TMPRSS15: variants seen among roughly 807,000 people sequenced by gnomAD.
TMPRSS15 encodes enteropeptidase.
In TMPRSS15, 128 loss-of-function variants were observed where a neutral mutation model predicts 125.3. The observed-to-expected ratio is 1.02, with a 90% CI of 0.89 to 1.18. The LOEUF is 1.18. Among genes scored for constraint, TMPRSS15 ranks in the 50% most tolerant of loss-of-function variants. The pLI, the probability that TMPRSS15 is intolerant of heterozygous loss-of-function variation, is 0.00. For missense variants in TMPRSS15, 1,283 were observed against 1,212.7 expected, an observed-to-expected ratio of 1.06 and a Z score of -0.86; for synonymous variants, 446 against 423.2, an observed-to-expected ratio of 1.05 and a Z score of -0.66.
chr21:18,398,621 T>C (rs1017341325), intron 1 of TMPRSS15, among the ~76,000 whole-genome samples: 6 of 152,288 alleles, frequency 3.9e-5, no homozygotes, highest in African/African-American at 1.4e-4. Context: ...ATTATTGTTA[T>C]TGAGATTCCT....
At chr21:18,365,663 C>CTTCCTTCCTTCCTTCCTTCG (rs1569035764) in intron 6 of TMPRSS15, among the ~76,000 whole-genome samples, 2 of 118,716 alleles carry the variant, frequency 1.7e-5, no homozygotes, top group Non-Finnish European at 3.4e-5. Context: ...TCCTTCCTTC[C>CTTCCTTCCTTCCTTCCTTCG]TTCCTTCCTT....
At chr21:18,360,438 A>G (rs1327866786) in intron 7 of TMPRSS15, among the ~76,000 whole-genome samples, 2 of 152,152 alleles carry the variant, frequency 1.3e-5, no homozygotes, top group Admixed American at 6.6e-5. Flanking sequence ...AGAATTGGGA[A>G]TGCTGGATCA....
chr21:18,448,314 A>G lies in TMPRSS15; in HGVS notation c.10+37485T>C, dbSNP rs143052582. On this transcript the variant is annotated intron_variant, in intron 1 of 7. Coordinates refer to the TMPRSS15 transcript ENST00000422787. ...ATGTTACAAATCAATACAATTTACT[A>G]AAGAAGAGTCACTAAGAATGCAGAC... 1.7e-3 allele frequency among the ~76,000 whole-genome samples: 265 copies of G among 152,304 alleles called. 4 individuals carry two copies. In the East Asian group the frequency reaches 0.019, roughly 11 times the overall value.
chr21:18,485,475 A>G (rs1979061248), intron 1 of TMPRSS15, among the ~76,000 whole-genome samples: 2 of 152,034 alleles, frequency 1.3e-5, no homozygotes, highest in Non-Finnish European at 2.9e-5. Flanking sequence ...TTATCAGGTT[A>G]GAGAAATTTC....
At chr21:18,270,201 T>G in intron 24 of TMPRSS15, 77 bp from the exon 25 acceptor site, 2 of 1,257,688 alleles carry the variant, frequency 1.6e-6, no homozygotes, top group Non-Finnish European at 2.2e-6. Flanking sequence ...TTGTATCAAA[T>G]AAATTAAAAA....
intron 1 of TMPRSS15, among the ~76,000 whole-genome samples, chr21:18,456,803 A>G: frequency 6.6e-6 from 1 of 152,230 alleles, no homozygotes; most frequent in Middle Eastern, 3.4e-3. Context: ...AAACTCAATA[A>G]AGATTTTCAG....
intron 18 of TMPRSS15, among the ~76,000 whole-genome samples, chr21:18,306,195 C>T (rs1255721955): frequency 6.6e-6 from 1 of 152,016 alleles, no homozygotes; most frequent in Non-Finnish European, 1.5e-5. Context: ...AAGGTTTTCC[C>T]CACATACTTG....
intron 7 of TMPRSS15, among the ~76,000 whole-genome samples, chr21:18,361,060 C>T (rs889930016): frequency 6.6e-6 from 1 of 151,962 alleles, no homozygotes; most frequent in African/African-American, 2.4e-5. Flanking sequence ...GAAACTAGTG[C>T]ATGCTATTGA....
intron 4 of TMPRSS15, among the ~76,000 whole-genome samples, chr21:18,381,337 A>G (rs1305391085): frequency 6.6e-6 from 1 of 152,140 alleles, no homozygotes; most frequent in Non-Finnish European, 1.5e-5. Flanking sequence ...GATAAAATAA[A>G]ATTTATGTGA....
Position 18,353,851 on chromosome 21 carries a change from T to C in TMPRSS15, c.893A>G (p.Glu298Gly), listed in dbSNP as rs1569028260. 2 of 1,610,972 alleles carry C rather than the reference T, an allele frequency of 1.2e-6. No individual in the cohort carries two copies. Among genetic ancestry groups the C allele is most frequent in the Admixed American group, 1.7e-5 (1 of 59,842 alleles). ...AATTCTTATTGTGCCAGGATTAGTTTCCCAAATAGAAGCTACAAAATAAAA... is the reference window on the plus strand; with the variant it reads ...AATTCTTATTGTGCCAGGATTAGTTCCCCAAATAGAAGCTACAAAATAAAA... Reference protein sequence around the residue: ...SSKILRASIWETNPGTIRIFS... With the variant: ...SSKILRASIWGTNPGTIRIFS... The change falls in exon 9 of 25, where the codon GAA (glutamate) becomes GGA (glycine). Residue 298 changes from glutamate (E) to glycine (G), a missense_variant. Coordinates refer to ENST00000284885, the MANE Select transcript of TMPRSS15 (RefSeq NM_002772.3).
At chr21:18,341,695 A>G in intron 12 of TMPRSS15, 147 bp from the exon 13 acceptor site, 1 of 889,040 alleles carries the variant, frequency 1.1e-6, no homozygotes. Context: ...CTACATAGTG[A>G]AATCTTGACA....
chr21:18,420,206 G>A lies in TMPRSS15; in HGVS notation c.11-21877C>T, dbSNP rs891335402. 3.9e-5 allele frequency among the ~76,000 whole-genome samples: 6 copies of A among 152,234 alleles called. No individual in the cohort carries two copies. In the South Asian group the frequency reaches 6.2e-4, roughly 16 times the overall value. ...GAATTCCTCCAATGCTAGCTTCTGC[G>A]TCTATGCAATGAATGGTTTGGATGA... is the stretch of plus-strand genomic sequence containing the variant. On this transcript the variant is annotated intron_variant, in intron 1 of 7. Transcript: ENST00000422787.
At chr21:18,305,478 A>G (rs536783592) in intron 18 of TMPRSS15, among the ~76,000 whole-genome samples, 51 of 151,956 alleles carry the variant, frequency 3.4e-4, no homozygotes, top group Middle Eastern at 3.4e-3. Flanking sequence ...GTGAGCCACC[A>G]CGCCCGGCCC....
chr21:18,393,646 T>C (rs2076008813), intron 3 of TMPRSS15, among the ~76,000 whole-genome samples: 1 of 152,148 alleles, frequency 6.6e-6, no homozygotes, highest in African/African-American at 2.4e-5. Flanking sequence ...CTAATAACGT[T>C]AGTAAAAATT....
intron 16 of TMPRSS15, among the ~76,000 whole-genome samples, chr21:18,319,422 A>ATTTTTTT (rs35796863): frequency 1.9e-5 from 2 of 105,310 alleles, no homozygotes; most frequent in African/African-American, 3.5e-5. Context: ...TTCTTCACCG[A>ATTTTTTT]TTTTTTTTTT....
At chr21:18,295,486 TTACATTTATATACTTAGC>T (rs1463108765) in intron 19 of TMPRSS15, among the ~76,000 whole-genome samples, 1 of 152,232 alleles carries the variant, frequency 6.6e-6, no homozygotes, top group Non-Finnish European at 1.5e-5. Flanking sequence ...AATGACTTAC[TTACATTTATATACTTAGC>T]TACAGCTAAT....
chr21:18,397,764 A>G, intron 3 of TMPRSS15, 115 bp downstream of exon 3: 2 of 590,142 alleles, frequency 3.4e-6, no homozygotes, highest in South Asian at 5.0e-5. Flanking sequence ...ATCCTCAAAA[A>G]ATGTTGAAAA....
intron 5 of TMPRSS15, among the ~76,000 whole-genome samples, chr21:18,374,708 A>G (rs977898990): frequency 6.6e-6 from 1 of 152,196 alleles, no homozygotes; most frequent in Non-Finnish European, 1.5e-5. Context: ...TGTTTCATAA[A>G]GGCAATTGTT....
At chr21:18,435,773 A>G (rs372319762) in intron 1 of TMPRSS15, among the ~76,000 whole-genome samples, 27 of 152,004 alleles carry the variant, frequency 1.8e-4, no homozygotes, top group Non-Finnish European at 3.4e-4. Context: ...GACTCTTTTT[A>G]GTTGGTAAGC....
Sources: allele counts gnomAD v4.1 joint callset (sites outside exome capture counted in the v4.1 genomes callset), GRCh38; gene constraint gnomAD v4.1.1; transcripts MANE v1.5; gene names NCBI Gene and HGNC (gene_info 2026-07-23, HGNC 2026-07-21).